The following PLCH2 variants were observed in gnomAD, a reference collection of about 807,000 sequenced individuals.
PLCH2 encodes phospholipase C eta 2, also known as 1-phosphatidylinositol 4,5-bisphosphate phosphodiesterase eta-2.
A neutral mutation model predicts 134.7 loss-of-function variants in PLCH2; 98 were observed. The observed-to-expected ratio is 0.73, with a 90% CI of 0.62 to 0.86. The LOEUF (loss-of-function observed/expected upper bound fraction) is 0.86. Ranked by LOEUF, PLCH2 falls within the 40% of genes least tolerant of loss-of-function variation. The pLI, the probability that PLCH2 is intolerant of heterozygous loss-of-function variation, is 0.00. For synonymous variants in PLCH2, 974 were observed against 827.5 expected (o/e 1.18, Z -3.04); for missense variants, 1,994 against 1,986.6 (o/e 1.00, Z -0.07).
At chr1:2,435,985 TCTCC>T (rs1639314969) in intron 2 of PLCH2, among the ~76,000 whole-genome samples, 3 of 82,038 alleles carry the variant, frequency 3.7e-5, no homozygotes, top group African/African-American at 4.9e-5. Context: ...CCTCCTCCCT[TCTCC>T]CCTCCTCCCT....
chr1:2,503,701 G>A (rs1643365397), intron 21 of PLCH2: 1 of 641,502 alleles, frequency 1.6e-6, no homozygotes, highest in Non-Finnish European at 2.8e-6. Context: ...GGCCCCGTGT[G>A]CGGCACAGGG....
intron 2 of PLCH2, 94 bp from the exon 3 acceptor site, chr1:2,479,640 C>T: frequency 2.2e-6 from 3 of 1,345,028 alleles, no homozygotes; most frequent in Non-Finnish European, 3.0e-6. Flanking sequence ...GGGCAAGGAG[C>T]TCCCGGCTGC....
intron 2 of PLCH2, among the ~76,000 whole-genome samples, chr1:2,436,546 C>CCTCCTTCCTCCCTCCACCTTTCCT (rs1327311310): frequency 3.9e-5 from 1 of 25,624 alleles, no homozygotes; most frequent in East Asian, 6.8e-3. Flanking sequence ...CCTCCCTCCT[C>CCTCCTTCCTCCCTCCACCTTTCCT]CCTTCCTCCC....
Position 2,498,270 on chromosome 1 carries a change from A to C in PLCH2, c.2225-253A>C. ...GGACCCAGACCCACCCCCAGAAGCC[A>C]TGTGACCTCCTCGGCTCAGCTGTGG... is the stretch of plus-strand genomic sequence containing the variant. On this transcript the variant is annotated intron_variant, in intron 16 of 21. Coordinates refer to ENST00000378486, the MANE Select transcript of PLCH2 (RefSeq NM_014638.4). The surrounding 1 kb of genome is among the most constrained non-coding windows in gnomAD (Gnocchi z 5.4). 132 of 351,096 alleles carry C rather than the reference A, an allele frequency of 3.8e-4. No homozygotes were observed. The highest frequency in any genetic ancestry group is 9.8e-4 in the East Asian group (16 of 16,302). 21.7% of individuals were successfully genotyped at this position (351,096 alleles called of 1,614,324 possible). A position where few individuals can be genotyped will look rare whatever the true frequency, so the allele number is the denominator to read the frequency against.
At chr1:2,440,080 CAG>C (rs1476664072) in intron 2 of PLCH2, among the ~76,000 whole-genome samples, 2 of 152,016 alleles carry the variant, frequency 1.3e-5, no homozygotes, top group Non-Finnish European at 2.9e-5. Context: ...GAAGGGCAAA[CAG>C]GGTAGAGAAG....
Position 2,502,405 on chromosome 1 carries a change from C to T in PLCH2, c.2955C>T (p.Pro985=). ...PAQEGPGSGS[P]RDTRPLSTQR... is the part of the protein sequence containing the mutation. Reference sequence around the variant, plus strand: ...AGGAGGGGCCCGGCAGCGGCAGCCCCCGAGGTAAGGCGCCAGCTGCGGTGG... The same window carrying T: ...AGGAGGGGCCCGGCAGCGGCAGCCCTCGAGGTAAGGCGCCAGCTGCGGTGG... Residue 985 remains proline (P), a synonymous_variant, in exon 21 of 22, where the codon CCC becomes CCT. Transcript: ENST00000378486. 1 of 1,544,102 alleles carries T rather than the reference C, an allele frequency of 6.5e-7. No individual in the cohort carries two copies. The highest frequency in any genetic ancestry group is 8.7e-7 in the Non-Finnish European group (1 of 1,146,054).
Position 2,496,812 on chromosome 1 carries a change from G to A in PLCH2, c.1934-16G>A, listed in dbSNP as rs1211731759. ...TCGAGGACTGGCAGTCTGATGCCCG[G>A]TCACCGGCGCCACAGCGGCGTCCAG... is the stretch of plus-strand genomic sequence containing the variant. On this transcript the variant is annotated splice_polypyrimidine_tract_variant and intron_variant, in intron 14 of 21. Coordinates refer to ENST00000378486, the MANE Select transcript of PLCH2 (RefSeq NM_014638.4). 1.2e-6 allele frequency: 2 copies of A among 1,610,800 alleles called. No homozygotes were observed. Among genetic ancestry groups the A allele is most frequent in the Admixed American group, 1.7e-5 (1 of 59,984 alleles).
At chr1:2,434,178 C>G (rs1228276163) in intron 2 of PLCH2, among the ~76,000 whole-genome samples, 2 of 152,232 alleles carry the variant, frequency 1.3e-5, no homozygotes, top group African/African-American at 4.8e-5. Context: ...ACTGAGCAAC[C>G]AAGGGAGGTG....
chr1:2,504,761 C>T lies in PLCH2; in HGVS notation c.3799C>T (p.Pro1267Ser). The T allele has an allele frequency of 6.2e-7, 1 of 1,612,436 alleles. No homozygotes were observed. The highest frequency in any genetic ancestry group is 8.5e-7 in the Non-Finnish European group (1 of 1,179,774). Residue 1267 changes from proline to serine, a missense_variant, in exon 22 of 22, where the codon CCT (proline) becomes TCT (serine). This residue lies in a region of PLCH2 where 900 missense variants were observed against 752.3 expected (regional missense o/e 1.20). Transcript: ENST00000378486. ...LGDLTADDFA[P>S]SFEGGSRRLS... ...CGACCTCACTGCTGATGACTTTGCC[C>T]CTAGCTTTGAGGGCGGCTCCCGCAG...
At chr1:2,474,030 T>C (rs1181821602), upstream of PLCH2, among the ~76,000 whole-genome samples, 1 of 152,106 alleles carries the variant, frequency 6.6e-6, no homozygotes, top group Non-Finnish European at 1.5e-5. Context: ...AGAGCGTGGC[T>C]TCTTCGGCCT....
intron 1 of PLCH2, among the ~76,000 whole-genome samples, chr1:2,476,973 G>A (rs1021051296): frequency 9.8e-5 from 15 of 152,318 alleles, no homozygotes; most frequent in Non-Finnish European, 2.2e-4. Context: ...CCAAGGGGGC[G>A]AGGGGGGATC....
chr1:2,461,844 G>A (rs1570342888), intron 2 of PLCH2, among the ~76,000 whole-genome samples: 1 of 147,734 alleles, frequency 6.8e-6, no homozygotes. Context: ...AGGTGGGCAG[G>A]GCAGCTGGGG....
intron 2 of PLCH2, among the ~76,000 whole-genome samples, chr1:2,431,508 C>T (rs1481954437): frequency 1.3e-5 from 2 of 152,156 alleles, no homozygotes; most frequent in Non-Finnish European, 2.9e-5. Flanking sequence ...GCTTTCAGCG[C>T]TGTCTGGAAT....
Position 2,502,678 on chromosome 1 carries a change from G to T in PLCH2, c.2959+269G>T, listed in dbSNP as rs1164179584. 3.0e-5 allele frequency: 21 copies of T among 701,430 alleles called. No homozygotes were observed. The East Asian group carries it at 5.4e-4, about 18-fold the overall frequency. The allele number at this position is 701,430 out of a possible 1,614,324, so 43.5% of individuals were successfully genotyped here. A position where few individuals can be genotyped will look rare whatever the true frequency, so the allele number is the denominator to read the frequency against. On this transcript the variant is annotated intron_variant, in intron 21 of 21. Coordinates refer to ENST00000378486, the MANE Select transcript of PLCH2 (RefSeq NM_014638.4). ...GTGGCCTGGACCCTCACGCTATCCC[G>T]GGGAGAAGCAGAGAGGCCCCCAAGG...
Position 2,502,558 on chromosome 1 carries a change from G to C in PLCH2, c.2959+149G>C, listed in dbSNP as rs781008158. 7 of 885,080 alleles carry C rather than the reference G, an allele frequency of 7.9e-6. No individual in the cohort carries two copies. In the South Asian group the frequency reaches 9.9e-5, roughly 13 times the overall value. 54.8% of individuals were successfully genotyped at this position (885,080 alleles called of 1,614,324 possible). On this transcript the variant is annotated intron_variant, in intron 21 of 21. Transcript: ENST00000378486. ...CCGGCGTGAACACCGGGGGCCTGCAGAGGGAGCGGCCACCCAGCCCGGGGC... is the reference window on the plus strand; with the variant it reads ...CCGGCGTGAACACCGGGGGCCTGCACAGGGAGCGGCCACCCAGCCCGGGGC...
chr1:2,497,127 T>A, intron 15 of PLCH2, 117 bp downstream of exon 15: 1 of 1,023,370 alleles, frequency 9.8e-7, no homozygotes, highest in Non-Finnish European at 1.4e-6. Flanking sequence ...TGGGCTCTAT[T>A]GCCCTTGGAG....
intron 11 of PLCH2, among the ~76,000 whole-genome samples, chr1:2,491,563 T>TGG (rs1189685341): frequency 1.3e-5 from 2 of 152,212 alleles, no homozygotes; most frequent in Admixed American, 1.3e-4. Context: ...GCTGCCCAGC[T>TGG]GGGGGGACAT....
intron 2 of PLCH2, among the ~76,000 whole-genome samples, chr1:2,445,043 C>A (rs1639877686): frequency 6.6e-6 from 1 of 152,094 alleles, no homozygotes. Flanking sequence ...CAGAAGCCAG[C>A]CTGTTGGTCT....
At chr1:2,478,267 C>T (rs1297517824) in intron 1 of PLCH2, among the ~76,000 whole-genome samples, 4 of 152,192 alleles carry the variant, frequency 2.6e-5, no homozygotes, top group Admixed American at 2.0e-4. Flanking sequence ...CAAGCCGGCA[C>T]CTGGGGTGGA....
Sources: gnomAD v4.1 joint callset for allele counts (sites outside exome capture counted in the v4.1 genomes callset) on GRCh38, gnomAD v4.1.1 for gene constraint, gnomAD v4.1.1 regional missense constraint, Gnocchi (gnomAD v3.1) non-coding constraint, MANE v1.5 for transcripts, NCBI Gene and HGNC (gene_info 2026-07-23, HGNC 2026-07-21) for gene names.